Variants in IGSF11 observed in about 807,000 individuals in gnomAD.
The protein encoded by IGSF11 is immunoglobulin superfamily member 11.
In IGSF11, 22 loss-of-function variants were observed where a neutral mutation model predicts 41.0. That is an observed-to-expected ratio of 0.54 (90% CI 0.38 to 0.77). The LOEUF is 0.77. Ranked by LOEUF, IGSF11 falls within the 30% of genes least tolerant of loss-of-function variation. The probability of loss-of-function intolerance (pLI) is 0.00; values close to 1 mark genes in which losing one functional copy is unlikely to be tolerated. For synonymous variants in IGSF11, 219 were observed against 201.3 expected (o/e 1.09, Z -0.74); for missense variants, 444 against 530.8 (o/e 0.84, Z 1.61).
At chr3:119,059,969 A>G (rs1333987547) in intron 1 of IGSF11, among the ~76,000 whole-genome samples, 2 of 152,242 alleles carry the variant, frequency 1.3e-5, no homozygotes, top group Non-Finnish European at 2.9e-5. Flanking sequence ...TCCACTGTCC[A>G]CTAACCAGAG....
At chr3:119,075,774 A>G (rs993748856) in intron 1 of IGSF11, among the ~76,000 whole-genome samples, 3 of 152,178 alleles carry the variant, frequency 2.0e-5, no homozygotes, top group Admixed American at 6.5e-5. Context: ...ATAAAATTCA[A>G]TTATCTCTTC....
chr3:118,908,091 T>TA lies in IGSF11; in HGVS notation c.581-2374dup, dbSNP rs571978635. Among the ~76,000 whole-genome samples the TA allele has an allele frequency of 2.9e-4, 44 of 152,284 alleles. 2 individuals carry two copies. In the South Asian group the frequency reaches 8.9e-3, roughly 31 times the overall value. ...GGTTTTCCCCTAAGCTCTGGAATTC[T>TA]AAAAATTTGATGAGCTCACACCAAA... On this transcript the variant is annotated intron_variant, in intron 4 of 6. Transcript: ENST00000393775.
intron 1 of IGSF11, among the ~76,000 whole-genome samples, chr3:119,080,625 T>C (rs1048949524): frequency 6.6e-6 from 1 of 152,196 alleles, no homozygotes; most frequent in Non-Finnish European, 1.5e-5. Context: ...AAGTTGATAA[T>C]TTATTGAAGG....
At chr3:118,926,840 A>G (rs1005420292) in intron 3 of IGSF11, among the ~76,000 whole-genome samples, 1 of 152,230 alleles carries the variant, frequency 6.6e-6, no homozygotes, top group Non-Finnish European at 1.5e-5. Context: ...AACATGGAAC[A>G]AAAATTACCA....
At position 119,052,945 on chromosome 3, in the gene IGSF11, T is replaced by C. The variant is rs551917955; in HGVS notation, c.49+52199A>G. Among the ~76,000 whole-genome samples, 8 of 152,240 alleles carry C rather than the reference T, an allele frequency of 5.3e-5. No individual in the cohort carries two copies. The South Asian group carries it at 1.7e-3, about 32-fold the overall frequency. On this transcript the variant is annotated intron_variant, in intron 1 of 6. Transcript: ENST00000354673. ...AAAAAGCGTTTCACAAAATCCAGCA[T>C]CCCTTTGTGATTAAAACCCTCTGCA...
chr3:118,993,333 T>C (rs558910114), intron 1 of IGSF11, among the ~76,000 whole-genome samples: 14 of 152,298 alleles, frequency 9.2e-5, no homozygotes, highest in African/African-American at 3.4e-4. Flanking sequence ...TTCAAATCCA[T>C]TAGAATGGCT....
At chr3:118,946,243 T>TATAA (rs1453643864) in intron 1 of IGSF11, among the ~76,000 whole-genome samples, 1 of 150,202 alleles carries the variant, frequency 6.7e-6, no homozygotes, top group African/African-American at 2.5e-5. Flanking sequence ...TATATATATA[T>TATAA]AAATCCGGAA....
At chr3:119,066,344 C>T (rs1449075262) in intron 1 of IGSF11, among the ~76,000 whole-genome samples, 1 of 152,130 alleles carries the variant, frequency 6.6e-6, no homozygotes, top group African/African-American at 2.4e-5. Flanking sequence ...AATATGCCTA[C>T]GTATAGTCTT....
At chr3:118,941,006 A>C (rs1274068714) in intron 1 of IGSF11, among the ~76,000 whole-genome samples, 1 of 151,794 alleles carries the variant, frequency 6.6e-6, no homozygotes, top group Non-Finnish European at 1.5e-5. Context: ...TAAAACTATA[A>C]AACTTCTGGA....
At chr3:119,117,302 C>CCT (rs2107526536) in intron 1 of IGSF11, among the ~76,000 whole-genome samples, 1 of 152,034 alleles carries the variant, frequency 6.6e-6, no homozygotes, top group South Asian at 2.1e-4. Context: ...GTAATTTATA[C>CCT]AGGAAAAGGG....
At chr3:119,110,265 T>A (rs529800653) in intron 1 of IGSF11, among the ~76,000 whole-genome samples, 2,542 of 152,156 alleles carry the variant, frequency 0.017, 85 homozygotes, top group African/African-American at 0.058. Context: ...TTTATGAATC[T>A]GGGTGCTCCT....
chr3:118,913,995 G>A lies in IGSF11; in HGVS notation c.581-8277C>T, dbSNP rs186616513. The stretch of plus-strand genomic sequence containing the variant: ...ACTGATGAGACGAAATATTCACAAG[G>A]ATTAGGGAAAATGGAAGAAAGACAG... On this transcript the variant is annotated intron_variant, in intron 4 of 6. Coordinates refer to ENST00000393775, the MANE Select transcript of IGSF11 (RefSeq NM_001015887.3). Among the ~76,000 whole-genome samples the A allele has an allele frequency of 5.3e-5, 8 of 152,236 alleles. No individual in the cohort carries two copies. The East Asian group carries it at 1.5e-3, about 29-fold the overall frequency.
intron 1 of IGSF11, among the ~76,000 whole-genome samples, chr3:119,014,433 ATC>A (rs1377178086): frequency 6.6e-6 from 1 of 152,226 alleles, no homozygotes; most frequent in Non-Finnish European, 1.5e-5. Flanking sequence ...GCATAAATAT[ATC>A]TGTGTACATT....
chr3:119,086,343 A>G (rs115085820), intron 1 of IGSF11, among the ~76,000 whole-genome samples: 104 of 152,326 alleles, frequency 6.8e-4, no homozygotes, highest in Non-Finnish European at 1.2e-3. Context: ...AAATTTCTCT[A>G]ATCTTGCTAG....
chr3:119,057,416 G>A (rs1230300906), intron 1 of IGSF11, among the ~76,000 whole-genome samples: 1 of 152,004 alleles, frequency 6.6e-6, no homozygotes, highest in African/African-American at 2.4e-5. Flanking sequence ...AACTTACAAG[G>A]GATGTGAAGG....
intron 1 of IGSF11, among the ~76,000 whole-genome samples, chr3:119,100,760 T>C (rs2076926233): frequency 6.6e-6 from 1 of 152,182 alleles, no homozygotes; most frequent in African/African-American, 2.4e-5. Context: ...TGATCTTGGG[T>C]CTTGTGATTA....
At chr3:119,118,115 G>T (rs1206885969) in intron 1 of IGSF11, among the ~76,000 whole-genome samples, 2 of 152,176 alleles carry the variant, frequency 1.3e-5, no homozygotes, top group African/African-American at 4.8e-5. Flanking sequence ...AGCATTCTGG[G>T]GTCTGGAGGA....
At chr3:118,912,822 G>A (rs867130965) in intron 4 of IGSF11, among the ~76,000 whole-genome samples, 12 of 152,210 alleles carry the variant, frequency 7.9e-5, no homozygotes, top group South Asian at 4.2e-4. Flanking sequence ...AGAGGATGAT[G>A]CCATGAAGAG....
rs554355216 is a variant in IGSF11, at chr3:118,912,603, AC to A, written c.581-6886del. 8.3e-3 allele frequency among the ~76,000 whole-genome samples: 1,271 copies of A among 152,270 alleles called. 21 individuals are homozygous for A. Among genetic ancestry groups the A allele is most frequent in the African/African-American group, 0.028 (1,167 of 41,546 alleles). On this transcript the variant is annotated intron_variant, in intron 4 of 6. Transcript: ENST00000393775. ...AGCTGTTGGCAGAAACAAATAGAAA[AC>A]ATAACCTACAGCTTAGAGAAACTAT... is the stretch of plus-strand genomic sequence containing the variant.
Sources: gnomAD v4.1 joint callset for allele counts (sites outside exome capture counted in the v4.1 genomes callset) on GRCh38, gnomAD v4.1.1 for gene constraint, MANE v1.5 for transcripts, NCBI Gene and HGNC (gene_info 2026-07-23, HGNC 2026-07-21) for gene names.